ARHGAP23: variants seen among roughly 807,000 people sequenced by gnomAD.
ARHGAP23 encodes Rho GTPase activating protein 23, also known as rho GTPase-activating protein 23.
In ARHGAP23, 34 loss-of-function variants were observed where a neutral mutation model predicts 136.3. That is an observed-to-expected ratio of 0.25 (90% CI 0.19 to 0.33). The LOEUF (loss-of-function observed/expected upper bound fraction) is 0.33, where lower values mean the gene tolerates loss of function less well. Ranked by LOEUF, ARHGAP23 falls within the 10% of genes least tolerant of loss-of-function variation. The probability of loss-of-function intolerance (pLI) is 1.00; values close to 1 mark genes in which losing one functional copy is unlikely to be tolerated. For missense variants in ARHGAP23, 1,808 were observed against 2,139.0 expected, an observed-to-expected ratio of 0.85 and a Z score of 3.05; for synonymous variants, 832 against 920.5, an observed-to-expected ratio of 0.90 and a Z score of 1.74.
At chr17:38,453,757 G>T (rs1281187452) in intron 1 of ARHGAP23, 3 of 147,254 alleles carry the variant, frequency 2.0e-5, no homozygotes, top group African/African-American at 7.4e-5. Flanking sequence ...CGCGCGGGCC[G>T]TCCGTCCCTT....
intron 14 of ARHGAP23, among the ~76,000 whole-genome samples, chr17:38,481,216 G>A (rs1050890614): frequency 3.5e-4 from 53 of 150,790 alleles, no homozygotes; most frequent in South Asian, 1.3e-3. Flanking sequence ...GTGTGATGTC[G>A]GCTCACTGCA....
At chr17:38,421,143 T>G (rs1417126798) in intron 1 of ARHGAP23, among the ~76,000 whole-genome samples, 1 of 152,204 alleles carries the variant, frequency 6.6e-6, no homozygotes, top group Non-Finnish European at 1.5e-5. Context: ...TACCCTCCCC[T>G]GGGAGGAGAA....
intron 3 of ARHGAP23, among the ~76,000 whole-genome samples, chr17:38,461,160 T>C (rs929302297): frequency 1.3e-5 from 2 of 152,212 alleles, no homozygotes; most frequent in African/African-American, 4.8e-5. Context: ...CCTTGGGCAT[T>C]TCCTCCACAG....
chr17:38,504,704 C>G (rs1383127883), intron 23 of ARHGAP23, among the ~76,000 whole-genome samples: 1 of 152,212 alleles, frequency 6.6e-6, no homozygotes, highest in Non-Finnish European at 1.5e-5. Flanking sequence ...TGCTGGGTCT[C>G]TAGGGAGGAT....
Position 38,511,420 on chromosome 17 carries a change from G to T in ARHGAP23, c.*448G>T, listed in dbSNP as rs2040763233. 1 of 161,998 alleles carries T rather than the reference G, an allele frequency of 6.2e-6. No individual in the cohort carries two copies. Among genetic ancestry groups the T allele is most frequent in the Admixed American group, 6.5e-5 (1 of 15,496 alleles). 10.0% of individuals were successfully genotyped at this position (161,998 alleles called of 1,614,324 possible). Reference sequence around the variant, plus strand: ...AGCTTGTAAGCGGGGATGTGTGTATGTCTGGGGAGAGGAGGTGTAGGGTGC... The same window carrying T: ...AGCTTGTAAGCGGGGATGTGTGTATTTCTGGGGAGAGGAGGTGTAGGGTGC... On this transcript the variant is annotated 3_prime_UTR_variant, in exon 24 of 24. Transcript: ENST00000622683.
intron 14 of ARHGAP23, among the ~76,000 whole-genome samples, chr17:38,480,503 A>C (rs941519495): frequency 6.6e-6 from 1 of 151,758 alleles, no homozygotes. Context: ...GTGTGGTGGC[A>C]GGCACCTGTA....
chr17:38,500,446 T>C (rs1389736627), intron 22 of ARHGAP23, 151 bp from the exon 23 acceptor site: 16 of 666,730 alleles, frequency 2.4e-5, no homozygotes, highest in Non-Finnish European at 2.9e-5. Flanking sequence ...GGACATCAGA[T>C]GTCCATCATA....
At chr17:38,464,290 C>CCACA (rs139399817) in intron 6 of ARHGAP23, among the ~76,000 whole-genome samples, 108 of 150,982 alleles carry the variant, frequency 7.2e-4, no homozygotes, top group African/African-American at 2.2e-3. Flanking sequence ...GCATACCCTT[C>CCACA]CACACACACA....
chr17:38,510,980 C>T lies in ARHGAP23; in HGVS notation c.*8C>T, dbSNP rs1280934382. On this transcript the variant is annotated 3_prime_UTR_variant, in exon 24 of 24. Coordinates refer to ENST00000622683, the MANE Select transcript of ARHGAP23 (RefSeq NM_001199417.2). This position sits in a 1 kb window ranked among gnomAD's most constrained non-coding sequence, Gnocchi z 4.6. ...CTGCATCAGTGTCTGTGATCCCCAC[C>T]TCCCGCGCCGCTCGGGCGCCACCCC... The T allele has an allele frequency of 2.1e-6, 3 of 1,422,264 alleles. No homozygotes were observed. Among genetic ancestry groups the T allele is most frequent in the East Asian group, 3.0e-5 (1 of 33,592 alleles). The allele number at this position is 1,422,264 out of a possible 1,614,324, so 88.1% of individuals were successfully genotyped here.
intron 1 of ARHGAP23, among the ~76,000 whole-genome samples, chr17:38,455,632 C>T (rs2039306333): frequency 6.6e-6 from 1 of 152,156 alleles, no homozygotes. Context: ...TCCAGGACAG[C>T]AGCAAAACAA....
At chr17:38,448,239 G>C (rs1458552707) in intron 1 of ARHGAP23, among the ~76,000 whole-genome samples, 1 of 152,188 alleles carries the variant, frequency 6.6e-6, no homozygotes, top group Non-Finnish European at 1.5e-5. Flanking sequence ...TGGGGGTGAT[G>C]CCGGGAAGGA....
intron 11 of ARHGAP23, among the ~76,000 whole-genome samples, chr17:38,473,503 T>C (rs1297094223): frequency 3.1e-4 from 47 of 152,288 alleles, no homozygotes; most frequent in African/African-American, 8.2e-4. Flanking sequence ...GGCGCTCCTC[T>C]GTGGAGAATG....
upstream of ARHGAP23, among the ~76,000 whole-genome samples, chr17:38,426,542 C>G (rs900872381): frequency 2.6e-5 from 2 of 77,722 alleles, no homozygotes; most frequent in African/African-American, 7.3e-5. Flanking sequence ...AAGAGTGAAA[C>G]TCCATCTCAA....
rs752061569 is a variant in ARHGAP23 at position 38,469,618 on chromosome 17, C to G, written c.1899C>G (p.Asp633Glu). ...ATGATGGACTCAACACCTTCCGCGA[C>G]GAGGGCCGGGTTCTGCGGTGAGGCC... ...SCDDGLNTFR[D>E]EGRVLRRLPN... The change falls in exon 9 of 24, where the codon GAC becomes GAG. Residue 633 changes from aspartate (D) to glutamate (E), a missense_variant. Physicochemically the swap from Asp to Glu is conservative, Grantham distance 45. Around this residue, in one of 7 missense-constraint regions of ARHGAP23, gnomAD observed 859 missense variants for 936.4 expected, o/e 0.92. Transcript: ENST00000622683. 2 of 1,548,740 alleles carry G rather than the reference C, an allele frequency of 1.3e-6. No individual in the cohort carries two copies. The highest frequency in any genetic ancestry group is 8.7e-7 in the Non-Finnish European group (1 of 1,146,718).
At chr17:38,422,137 A>G (rs1416135312) in intron 1 of ARHGAP23, among the ~76,000 whole-genome samples, 1 of 152,216 alleles carries the variant, frequency 6.6e-6, no homozygotes, top group African/African-American at 2.4e-5. Context: ...CGATAGAAAG[A>G]GCAACATCAG....
chr17:38,486,029 C>T (rs1017130280), intron 16 of ARHGAP23, 33 bp from the exon 17 acceptor site: 10 of 1,543,976 alleles, frequency 6.5e-6, no homozygotes, highest in Non-Finnish European at 7.9e-6. Context: ...CGGGCTGGGC[C>T]TGCCTGTGCC....
chr17:38,438,245 T>C (rs1052691727), intron 1 of ARHGAP23, among the ~76,000 whole-genome samples: 3 of 139,238 alleles, frequency 2.2e-5, no homozygotes, highest in African/African-American at 8.2e-5. Flanking sequence ...CACTTGAACC[T>C]GGGAGGTGGA....
At chr17:38,454,355 A>AC (rs2039273094) in intron 1 of ARHGAP23, among the ~76,000 whole-genome samples, 1 of 151,268 alleles carries the variant, frequency 6.6e-6, no homozygotes, top group Admixed American at 6.6e-5. Context: ...TGGGATGACA[A>AC]CCCCCAGTCT....
Position 38,477,773 on chromosome 17 carries a change from G to A in ARHGAP23, c.2313G>A (p.Lys771=), listed in dbSNP as rs1191813218. The change falls in exon 12 of 24, where the codon AAG becomes AAA. Residue 771 remains lysine (K), a synonymous_variant. Transcript: ENST00000622683. The surrounding 1 kb of genome is among the most constrained non-coding windows in gnomAD (Gnocchi z 6.6). ...CLVDISYSET[K]RRHVFRLTTA... ...TGGACATCTCCTACAGCGAGACCAA[G>A]AGGAGGCACGTGTTCCGGCTGACCA... is the stretch of plus-strand genomic sequence containing the variant. 2 of 1,549,924 alleles carry A rather than the reference G, an allele frequency of 1.3e-6. No homozygotes were observed. The highest frequency in any genetic ancestry group is 1.4e-5 in the African/African-American group (1 of 73,130).
Sources: allele counts gnomAD v4.1 joint callset (sites outside exome capture counted in the v4.1 genomes callset), GRCh38; gene constraint gnomAD v4.1.1; regional missense constraint gnomAD v4.1.1; non-coding constraint Gnocchi (gnomAD v3.1); transcripts MANE v1.5; gene names NCBI Gene and HGNC (gene_info 2026-07-23, HGNC 2026-07-21).